The following ADAM7 variants were observed in gnomAD, a reference collection of about 807,000 sequenced individuals.
ADAM7 encodes ADAM metallopeptidase domain 7.
ADAM7 carries 97 observed loss-of-function variants against 102.9 expected under a neutral mutation model. The observed-to-expected ratio is 0.94, with a 90% CI of 0.80 to 1.12. The LOEUF (loss-of-function observed/expected upper bound fraction) is 1.12. Among genes scored for constraint, ADAM7 ranks in the 50% most tolerant of loss-of-function variants. ADAM7 has a pLI of 0.00. For missense variants in ADAM7, 991 were observed against 908.7 expected (o/e 1.09, Z -1.16); for synonymous variants, 334 against 304.4 (o/e 1.10, Z -1.01).
chr8:24,442,955 T>G (rs573422276), intron 2 of ADAM7, among the ~76,000 whole-genome samples: 1 of 152,266 alleles, frequency 6.6e-6, no homozygotes, highest in Admixed American at 6.5e-5. Context: ...GATGTGCAAC[T>G]TTCAGAGGAA....
Position 24,509,102 on chromosome 8 carries a change from G to A in ADAM7, c.*556G>A, listed in dbSNP as rs1461106549. The A allele has an allele frequency of 1.0e-6, 1 of 985,410 alleles. No homozygotes were observed. Among genetic ancestry groups the A allele is most frequent in the African/African-American group, 1.7e-5 (1 of 57,246 alleles). The allele number at this position is 985,410 out of a possible 1,614,324, so 61.0% of individuals were successfully genotyped here. On this transcript the variant is annotated 3_prime_UTR_variant, in exon 22 of 22. Coordinates refer to ENST00000175238, the MANE Select transcript of ADAM7 (RefSeq NM_003817.4). ...GAATAGTGGACAGAACTGCAGGATAGTCCTTAAAATAATGGTGGTGGGAAA... is the reference window on the plus strand; with the variant it reads ...GAATAGTGGACAGAACTGCAGGATAATCCTTAAAATAATGGTGGTGGGAAA...
At chr8:24,465,841 T>C (rs753145957) in intron 5 of ADAM7, 66 bp downstream of exon 5, 301 of 1,296,912 alleles carry the variant, frequency 2.3e-4, no homozygotes, top group Non-Finnish European at 2.9e-4. Flanking sequence ...AAGTTAACTT[T>C]GTTGATTTTG....
chr8:24,509,362 G>A lies in ADAM7; in HGVS notation c.*816G>A, dbSNP rs1821043690. Reference sequence around the variant, plus strand: ...TCTCCCTATCCGTTTGTTATGGGATGGGGGATTACCCTGGGAATGATTTCA... The same window carrying A: ...TCTCCCTATCCGTTTGTTATGGGATAGGGGATTACCCTGGGAATGATTTCA... On this transcript the variant is annotated 3_prime_UTR_variant, in exon 22 of 22. Coordinates refer to ENST00000175238, the MANE Select transcript of ADAM7 (RefSeq NM_003817.4). 2.3e-5 allele frequency: 23 copies of A among 985,330 alleles called. No individual in the cohort carries two copies. Among genetic ancestry groups the A allele is most frequent in the South Asian group, 4.7e-5 (1 of 21,282 alleles). The allele number at this position is 985,330 out of a possible 1,614,324, so 61.0% of individuals were successfully genotyped here.
At chr8:24,468,899 G>C in intron 7 of ADAM7, 79 bp downstream of exon 7, 3 of 1,337,472 alleles carry the variant, frequency 2.2e-6, no homozygotes, top group Non-Finnish European at 3.2e-6. Flanking sequence ...AGAGAGAAAG[G>C]TATTCTAATC....
intron 10 of ADAM7, among the ~76,000 whole-genome samples, chr8:24,486,180 T>G (rs1320613166): frequency 6.6e-6 from 1 of 152,200 alleles, no homozygotes; most frequent in Non-Finnish European, 1.5e-5. Context: ...GGACACATTT[T>G]AAACTTTATA....
At chr8:24,449,069 T>C (rs1368209613) in intron 3 of ADAM7, among the ~76,000 whole-genome samples, 1 of 152,222 alleles carries the variant, frequency 6.6e-6, no homozygotes, top group African/African-American at 2.4e-5. Flanking sequence ...ACATGTGGGT[T>C]GGTTCCAAGT....
At chr8:24,490,255 GCAT>G (rs1820295988) in intron 12 of ADAM7, 2 of 152,546 alleles carry the variant, frequency 1.3e-5, no homozygotes, top group Admixed American at 1.3e-4. Flanking sequence ...CTGTCCATAT[GCAT>G]TCTTTGGAAT....
At chr8:24,453,530 G>T (rs1176390020) in intron 3 of ADAM7, among the ~76,000 whole-genome samples, 1 of 152,048 alleles carries the variant, frequency 6.6e-6, no homozygotes, top group Non-Finnish European at 1.5e-5. Context: ...CTCTGTATTG[G>T]TTATTCTAGT....
chr8:24,452,286 A>C (rs944122722), intron 3 of ADAM7, among the ~76,000 whole-genome samples: 5 of 150,008 alleles, frequency 3.3e-5, no homozygotes, highest in African/African-American at 9.8e-5. Context: ...TGGGAGTCTA[A>C]GTCTCTTTGC....
rs1005262255 is a variant in ADAM7 at position 24,507,379 on chromosome 8, A to G, written c.2209-101A>G. 4.7e-5 allele frequency: 42 copies of G among 890,032 alleles called. 1 individual carries two copies. The highest frequency in any genetic ancestry group is 7.7e-5 in the Non-Finnish European group (42 of 547,366). 55.1% of individuals were successfully genotyped at this position (890,032 alleles called of 1,614,324 possible). ...GCAAGCAGAGGTGGCCTGCGTGTGT[A>G]TGTGCTCATGTGTATGTGTGCACAT... On this transcript the variant is annotated intron_variant, in intron 20 of 21. Transcript: ENST00000175238.
At position 24,492,552 on chromosome 8, in the gene ADAM7, G is replaced by T. The variant is rs200911914; in HGVS notation, c.1610G>T (p.Gly537Val). Residue 537 changes from glycine to valine, a missense_variant, in exon 15 of 22, where the codon GGA becomes GTA. Physicochemically the swap from Gly to Val is moderately radical, Grantham distance 109. Transcript: ENST00000175238. ...YKMNTKGNKF[G>V]YCKNKENRFL... is the part of the protein sequence containing the mutation. ...ATGAATACAAAAGGAAATAAATTTG[G>T]ATACTGCAAAAACAAGGAAAACAGA... 2.9e-4 allele frequency: 463 copies of T among 1,613,022 alleles called. 2 individuals are homozygous for T. Among genetic ancestry groups the T allele is most frequent in the Middle Eastern group, 2.7e-3 (16 of 6,026 alleles).
At chr8:24,485,043 A>G (rs895826042) in intron 9 of ADAM7, among the ~76,000 whole-genome samples, 1 of 151,876 alleles carries the variant, frequency 6.6e-6, no homozygotes, top group Non-Finnish European at 1.5e-5. Context: ...TGACCTCGTG[A>G]TCCACCTGCC....
At chr8:24,470,178 T>C (rs1018925239) in intron 7 of ADAM7, among the ~76,000 whole-genome samples, 13 of 152,218 alleles carry the variant, frequency 8.5e-5, no homozygotes, top group African/African-American at 3.1e-4. Flanking sequence ...AAACAGAGCA[T>C]ACGTTTTAAA....
intron 2 of ADAM7, among the ~76,000 whole-genome samples, chr8:24,445,148 C>G (rs80196110): frequency 3.3e-5 from 5 of 151,928 alleles, no homozygotes; most frequent in African/African-American, 1.2e-4. Flanking sequence ...ACCATTACAC[C>G]CATACATGCA....
chr8:24,487,201 C>T lies in ADAM7; in HGVS notation c.975C>T (p.Asp325=), dbSNP rs1227907229. 6.2e-7 allele frequency: 1 copy of T among 1,613,604 alleles called. No homozygotes were observed. Among genetic ancestry groups the T allele is most frequent in the South Asian group, 1.1e-5 (1 of 91,058 alleles). ...TTTATCATCAGGATCTTTTACCTGA[C>T]ACAAACATAATTGCAAACAGAATGG... The part of the protein sequence containing the change: ...STSIIKDLLP[D]TNIIANRMAH... The change falls in exon 11 of 22, where the codon GAC becomes GAT. Residue 325 remains aspartate, a synonymous_variant. Coordinates refer to ENST00000175238, the MANE Select transcript of ADAM7 (RefSeq NM_003817.4).
rs191048793 is a variant in ADAM7 at position 24,482,937 on chromosome 8, G to A, written c.875+626G>A. Among the ~76,000 whole-genome samples the A allele has an allele frequency of 1.4e-3, 214 of 151,938 alleles. 4 individuals carry two copies. The highest frequency in any genetic ancestry group is 6.8e-3 in the Middle Eastern group (2 of 292). ...TCAGCATCCAGTGCTAACTCCTCTC[G>A]CCCTCCCATGTTGTACCGTTCCAAT... On this transcript the variant is annotated intron_variant, in intron 9 of 21. Coordinates refer to ENST00000175238, the MANE Select transcript of ADAM7 (RefSeq NM_003817.4).
At chr8:24,507,333 C>G (rs1423694724) in intron 20 of ADAM7, 147 bp from the exon 21 acceptor site, 2 of 597,818 alleles carry the variant, frequency 3.3e-6, no homozygotes, top group African/African-American at 3.7e-5. Context: ...AATTTACAAA[C>G]TGTCTTGGAT....
At chr8:24,454,751 C>T (rs1489386758) in intron 3 of ADAM7, among the ~76,000 whole-genome samples, 1 of 152,160 alleles carries the variant, frequency 6.6e-6, no homozygotes, top group Non-Finnish European at 1.5e-5. Context: ...CTGCATCGCT[C>T]ACGCTGGGAG....
chr8:24,495,604 A>G (rs1284624057), intron 16 of ADAM7, among the ~76,000 whole-genome samples: 1 of 152,170 alleles, frequency 6.6e-6, no homozygotes, highest in East Asian at 1.9e-4. Flanking sequence ...CTCAGTTGCC[A>G]TTTCAAGTAA....
Sources: allele counts gnomAD v4.1 joint callset (sites outside exome capture counted in the v4.1 genomes callset), GRCh38; gene constraint gnomAD v4.1.1; transcripts MANE v1.5; gene names NCBI Gene and HGNC (gene_info 2026-07-23, HGNC 2026-07-21).